Variants in TIAL1 observed in about 807,000 individuals in gnomAD.
TIAL1 encodes nucleolysin TIAR.
TIAL1 carries 7 observed loss-of-function variants against 59.7 expected under a neutral mutation model. The ratio of observed to expected loss-of-function variants is 0.12; its 90% CI spans 0.07 to 0.22. TIAL1 has a LOEUF of 0.22. Ranked by LOEUF, TIAL1 falls within the 10% of genes least tolerant of loss-of-function variation. The pLI is 1.00. For missense variants in TIAL1, 225 were observed against 462.5 expected, an observed-to-expected ratio of 0.49 and a Z score of 4.71; for synonymous variants, 149 against 146.3, an observed-to-expected ratio of 1.02 and a Z score of -0.13.
chr10:119,593,658 C>A (rs553953102), intron 1 of TIAL1: 2 of 203,692 alleles, frequency 9.8e-6, no homozygotes, highest in African/African-American at 4.7e-5. Context: ...TATAAGATCT[C>A]CATAAACAAA....
intron 1 of TIAL1, among the ~76,000 whole-genome samples, chr10:119,594,918 C>T (rs1049341327): frequency 2.0e-5 from 3 of 152,176 alleles, no homozygotes; most frequent in African/African-American, 7.2e-5. Context: ...CCACTGCGCC[C>T]GGCCTGAAGG....
rs181190686 is a variant in TIAL1 at position 119,575,869 on chromosome 10, G to A, written c.1002-78C>T. 525 of 1,407,624 alleles carry A rather than the reference G, an allele frequency of 3.7e-4. 2 individuals carry two copies. In the African/African-American group the frequency reaches 6.9e-3, roughly 19 times the overall value. The allele number at this position is 1,407,624 out of a possible 1,614,324, so 87.2% of individuals were successfully genotyped here. A position where few individuals can be genotyped will look rare whatever the true frequency, so the allele number is the denominator to read the frequency against. On this transcript the variant is annotated intron_variant, in intron 11 of 11. Coordinates refer to ENST00000436547, the MANE Select transcript of TIAL1 (RefSeq NM_003252.4). ...TATGTATTTACACAAAAATCAAGCA[G>A]AGCCTAATCACAGAATAGAAAACCA...
chr10:119,576,763 A>C lies in TIAL1; in HGVS notation c.862-13T>G. The C allele has an allele frequency of 1.2e-6, 2 of 1,611,902 alleles. No homozygotes were observed. The highest frequency in any genetic ancestry group is 1.7e-6 in the Non-Finnish European group (2 of 1,179,480). On this transcript the variant is annotated splice_polypyrimidine_tract_variant and intron_variant, in intron 10 of 11. Coordinates refer to ENST00000436547, the MANE Select transcript of TIAL1 (RefSeq NM_003252.4). ...GACTATAGTCAACCTAGGAAAAAGCAAAGTATTGTTTTAGGGAACACATAA... is the reference window on the plus strand; with the variant it reads ...GACTATAGTCAACCTAGGAAAAAGCCAAGTATTGTTTTAGGGAACACATAA...
chr10:119,596,382 CCGCGG>C, intron 1 of TIAL1, 47 bp downstream of exon 1: 1 of 1,606,512 alleles, frequency 6.2e-7, no homozygotes, highest in Non-Finnish European at 8.5e-7. Flanking sequence ...CCTTAGCGTC[CCGCGG>C]TGCCCGGGCC....
chr10:119,578,224 CAAAAAAAAAAAA>C (rs10541595), intron 7 of TIAL1, among the ~76,000 whole-genome samples: 1 of 57,388 alleles, frequency 1.7e-5, no homozygotes, highest in Non-Finnish European at 3.0e-5. Flanking sequence ...GACTCCACCT[CAAAAAAAAAAAA>C]AAAAAAAAAA....
chr10:119,586,989 A>G (rs987252935), intron 2 of TIAL1, among the ~76,000 whole-genome samples: 5 of 152,230 alleles, frequency 3.3e-5, no homozygotes, highest in African/African-American at 1.2e-4. Flanking sequence ...AGTACCTTGT[A>G]TAGTGCCTAG....
At chr10:119,587,821 G>A (rs1460842299) in intron 2 of TIAL1, among the ~76,000 whole-genome samples, 2 of 152,156 alleles carry the variant, frequency 1.3e-5, no homozygotes, top group Admixed American at 1.3e-4. Context: ...AACACATGCT[G>A]TCTAAATCGT....
chr10:119,589,391 A>G (rs1306049838), intron 1 of TIAL1, among the ~76,000 whole-genome samples: 3 of 152,144 alleles, frequency 2.0e-5, no homozygotes, highest in Non-Finnish European at 4.4e-5. Flanking sequence ...TTTTTAGTAG[A>G]GACGGGGTTT....
intron 2 of TIAL1, among the ~76,000 whole-genome samples, chr10:119,587,406 C>A (rs1845622959): frequency 6.6e-6 from 1 of 152,202 alleles, no homozygotes; most frequent in African/African-American, 2.4e-5. Context: ...AGTGAGTCCT[C>A]CAAGAAGCCG....
In TIAL1 at chr10:119,576,529, T is replaced by G. The variant is rs542731423; in HGVS notation, c.1001+82A>C. ...AATAGCTCAATGTATATAATTAAAA[T>G]AGATTCTCCCTAGGAAAACACACTT... On this transcript the variant is annotated intron_variant, in intron 11 of 11. Transcript: ENST00000436547. 2.4e-5 allele frequency: 36 copies of G among 1,525,960 alleles called. No homozygotes were observed. The African/African-American group carries it at 4.7e-4, about 20-fold the overall frequency. The allele number at this position is 1,525,960 out of a possible 1,614,324, so 94.5% of individuals were successfully genotyped here.
Position 119,589,386 on chromosome 10 carries a change from A to G in TIAL1, c.33-1138T>C, listed in dbSNP as rs999410590. 3.0e-4 allele frequency among the ~76,000 whole-genome samples: 46 copies of G among 152,218 alleles called. 1 individual carries two copies. The highest frequency in any genetic ancestry group is 1.1e-3 in the African/African-American group (45 of 41,532). ...ACGCCCGGCTAATTTTTGTATTTTT[A>G]GTAGAGACGGGGTTTCACCATGTTG... On this transcript the variant is annotated intron_variant, in intron 1 of 11. Transcript: ENST00000436547.
At chr10:119,592,116 A>C (rs1406170606) in intron 1 of TIAL1, 2 of 152,230 alleles carry the variant, frequency 1.3e-5, no homozygotes, top group African/African-American at 2.4e-5. Context: ...TATAATTGCT[A>C]CCTAAAGAAC....
At chr10:119,590,746 GAGACAGAGAGAAAGAGAGAAAGAAAGAA>G (rs1358547307) in intron 1 of TIAL1, among the ~76,000 whole-genome samples, 3 of 92,724 alleles carry the variant, frequency 3.2e-5, no homozygotes, top group African/African-American at 5.1e-5. Flanking sequence ...GAAAGAGAGA[GAGACAGAGAGAAAGAGAGAAAGAAAGAA>G]AGAAAGAAAG....
chr10:119,577,591 T>A lies in TIAL1; in HGVS notation c.652+50A>T, dbSNP rs747790797. On this transcript the variant is annotated intron_variant, in intron 8 of 11. Transcript: ENST00000436547. ...GCTGATGTGTATCATGAAATTCATATGAACAGTGATGAAGCTCCTCAGAGG... is the reference window on the plus strand; with the variant it reads ...GCTGATGTGTATCATGAAATTCATAAGAACAGTGATGAAGCTCCTCAGAGG... The A allele has an allele frequency of 5.0e-6, 8 of 1,606,144 alleles. No individual in the cohort carries two copies. In the African/African-American group the frequency reaches 5.4e-5, roughly 11 times the overall value.
At position 119,580,021 on chromosome 10, in the gene TIAL1, A is replaced by C. The variant is rs779609459; in HGVS notation, c.372-11T>G. On this transcript the variant is annotated splice_polypyrimidine_tract_variant and intron_variant, in intron 5 of 11. Transcript: ENST00000436547. The stretch of plus-strand genomic sequence containing the variant: ...ACTACCCGGGCATCCCTGTGAAAAG[A>C]AGCACAGCTAAATGAGGGAAGTAAG... The C allele has an allele frequency of 3.1e-5, 50 of 1,608,218 alleles. No homozygotes were observed. The highest frequency in any genetic ancestry group is 2.2e-4 in the South Asian group (20 of 89,894).
intron 7 of TIAL1, 50 bp from the exon 8 acceptor site, chr10:119,577,786 A>T: frequency 6.8e-7 from 1 of 1,469,714 alleles, no homozygotes; most frequent in South Asian, 1.1e-5. Flanking sequence ...TGTACTATGA[A>T]ACTCTTCTGT....
chr10:119,577,507 T>C lies in TIAL1; in HGVS notation c.681A>G (p.Pro227=). 1.9e-6 allele frequency: 3 copies of C among 1,614,000 alleles called. No individual in the cohort carries two copies. Among genetic ancestry groups the C allele is most frequent in the Non-Finnish European group, 2.5e-6 (3 of 1,179,938 alleles). ...TDQLMRQTFS[P]FGQIMEIRVF... ...CTCTTATTTCCATAATTTGTCCAAA[T>C]GGTGAGAATGTCTGTCTCATAAGCT... Residue 227 remains proline (P), a synonymous_variant, in exon 9 of 12, where the codon CCA becomes CCG. Transcript: ENST00000436547.
chr10:119,590,294 A>T (rs1305613928), intron 1 of TIAL1, among the ~76,000 whole-genome samples: 2 of 152,236 alleles, frequency 1.3e-5, no homozygotes, highest in Non-Finnish European at 2.9e-5. Flanking sequence ...TTCCAGCAGG[A>T]CTAAAAGGTT....
In TIAL1 at chr10:119,582,109, G is replaced by A; in HGVS notation, c.283+60C>T. 6.3e-7 allele frequency: 1 copy of A among 1,595,958 alleles called. No homozygotes were observed. Among genetic ancestry groups the A allele is most frequent in the East Asian group, 2.2e-5 (1 of 44,752 alleles). ...AGGAAAAAAAAACCTATTTAAGCTG[G>A]TAATGCCTCCTGGATAATTTCAGAA... On this transcript the variant is annotated intron_variant, in intron 4 of 11. Coordinates refer to ENST00000436547, the MANE Select transcript of TIAL1 (RefSeq NM_003252.4). The surrounding 1 kb of genome is among the most constrained non-coding windows in gnomAD (Gnocchi z 5.1).
Sources: gnomAD v4.1 joint callset for allele counts (sites outside exome capture counted in the v4.1 genomes callset) on GRCh38, gnomAD v4.1.1 for gene constraint, Gnocchi (gnomAD v3.1) non-coding constraint, MANE v1.5 for transcripts, NCBI Gene and HGNC (gene_info 2026-07-23, HGNC 2026-07-21) for gene names.